ARHGEF7: variants seen among roughly 807,000 people sequenced by gnomAD.
ARHGEF7 encodes Rho guanine nucleotide exchange factor 7, also known as PAK-interacting exchange factor beta.
ARHGEF7 carries 33 observed loss-of-function variants against 109.8 expected under a neutral mutation model. The ratio of observed to expected loss-of-function variants is 0.30; its 90% CI spans 0.23 to 0.40. ARHGEF7 has a LOEUF of 0.40. Among genes scored for constraint, ARHGEF7 ranks in the 10% least tolerant of loss-of-function variants. The pLI, the probability that ARHGEF7 is intolerant of heterozygous loss-of-function variation, is 1.00. For missense variants in ARHGEF7, 938 were observed against 1,098.5 expected, an observed-to-expected ratio of 0.85 and a Z score of 2.07; for synonymous variants, 458 against 424.6, an observed-to-expected ratio of 1.08 and a Z score of -0.97.
At chr13:111,271,896 T>C (rs986903461) in intron 9 of ARHGEF7, among the ~76,000 whole-genome samples, 6 of 152,244 alleles carry the variant, frequency 3.9e-5, no homozygotes, top group African/African-American at 1.4e-4. Flanking sequence ...TATGTGTTTA[T>C]TGGAAGTATT....
chr13:111,197,909 A>G (rs2080734217), intron 2 of ARHGEF7, among the ~76,000 whole-genome samples: 1 of 152,198 alleles, frequency 6.6e-6, no homozygotes, highest in South Asian at 2.1e-4. Context: ...TCTGACAGGC[A>G]TTAGGACCCA....
chr13:111,300,153 A>G (rs555856052), intron 19 of ARHGEF7, among the ~76,000 whole-genome samples: 1 of 152,292 alleles, frequency 6.6e-6, no homozygotes, highest in African/African-American at 2.4e-5. Flanking sequence ...GTGTTGGTTA[A>G]ATGACAGAAA....
At chr13:111,118,312 C>T (rs779488169) in intron 1 of ARHGEF7, among the ~76,000 whole-genome samples, 2 of 152,250 alleles carry the variant, frequency 1.3e-5, no homozygotes, top group Non-Finnish European at 2.9e-5. Flanking sequence ...GATTCTTCTG[C>T]TCATTTAAAG....
intron 5 of ARHGEF7, among the ~76,000 whole-genome samples, chr13:111,231,404 A>C (rs2153523464): frequency 6.6e-6 from 1 of 151,272 alleles, no homozygotes; most frequent in South Asian, 2.1e-4. Context: ...GAATTCTTGC[A>C]ACTTGCAGCG....
At chr13:111,257,251 T>C (rs913252656) in intron 8 of ARHGEF7, among the ~76,000 whole-genome samples, 2 of 152,242 alleles carry the variant, frequency 1.3e-5, no homozygotes, top group East Asian at 3.9e-4. Flanking sequence ...TACCAATTCT[T>C]AGTACAGCCT....
intron 2 of ARHGEF7, among the ~76,000 whole-genome samples, chr13:111,165,192 A>C (rs1165598696): frequency 1.3e-5 from 2 of 152,180 alleles, no homozygotes; most frequent in Non-Finnish European, 2.9e-5. Flanking sequence ...GGTTCCTTCA[A>C]AGCCTGAATT....
intron 2 of ARHGEF7, among the ~76,000 whole-genome samples, chr13:111,169,921 A>G (rs1216537656): frequency 6.6e-6 from 1 of 152,166 alleles, no homozygotes; most frequent in African/African-American, 2.4e-5. Flanking sequence ...CATGCGCAAC[A>G]ACTGCAGAAT....
At chr13:111,173,792 G>C (rs1000868309) in intron 2 of ARHGEF7, among the ~76,000 whole-genome samples, 2 of 150,446 alleles carry the variant, frequency 1.3e-5, no homozygotes, top group African/African-American at 4.9e-5. Flanking sequence ...GTCTTGGAGG[G>C]TTGGGAGGTC....
intron 6 of ARHGEF7, among the ~76,000 whole-genome samples, chr13:111,242,117 C>T (rs1298881848): frequency 1.3e-5 from 2 of 152,160 alleles, no homozygotes; most frequent in East Asian, 3.9e-4. Flanking sequence ...AGCCAGCTCC[C>T]TGCAGGGCCC....
chr13:111,166,388 G>C (rs575740208), intron 2 of ARHGEF7, among the ~76,000 whole-genome samples: 23 of 152,286 alleles, frequency 1.5e-4, no homozygotes, highest in African/African-American at 5.3e-4. Flanking sequence ...GGGCAGAGGG[G>C]AGAAGGGATG....
intron 2 of ARHGEF7, among the ~76,000 whole-genome samples, chr13:111,176,024 G>T (rs1482009050): frequency 6.6e-6 from 1 of 152,174 alleles, no homozygotes; most frequent in African/African-American, 2.4e-5. Context: ...ACTGCCCCAT[G>T]ATTCAATTAC....
chr13:111,173,591 A>C (rs1186024399), intron 2 of ARHGEF7, among the ~76,000 whole-genome samples: 1 of 152,174 alleles, frequency 6.6e-6, no homozygotes, highest in Non-Finnish European at 1.5e-5. Flanking sequence ...AAGCCTGTGA[A>C]ATTTCATCCA....
chr13:111,265,464 C>T, intron 8 of ARHGEF7: 2 of 410,642 alleles, frequency 4.9e-6, no homozygotes, highest in Non-Finnish European at 9.9e-6. Flanking sequence ...GCTGATTCTC[C>T]TGACTATGAC....
intron 2 of ARHGEF7, among the ~76,000 whole-genome samples, chr13:111,204,858 A>C (rs1378715051): frequency 6.6e-6 from 1 of 152,188 alleles, no homozygotes; most frequent in Non-Finnish European, 1.5e-5. Context: ...TAGCTTTGGA[A>C]TCGACTGTCA....
intron 9 of ARHGEF7, among the ~76,000 whole-genome samples, chr13:111,269,148 G>T (rs2091925559): frequency 6.6e-6 from 1 of 152,206 alleles, no homozygotes. Flanking sequence ...TATGTGCTAT[G>T]CCCCTACCCC....
rs530331590 is a variant in ARHGEF7 at position 111,153,430 on chromosome 13, G to A, written c.166-475G>A. On this transcript the variant is annotated intron_variant, in intron 1 of 21. Coordinates refer to ENST00000646102, the MANE Select transcript of ARHGEF7 (RefSeq NM_001354046.2). ...GGGCCTTGTCGGCTGCGTCCGCGGG[G>A]CTAGGGTAGAGACCGAAGACTGGAC... Among the ~76,000 whole-genome samples, 121 of 152,166 alleles carry A rather than the reference G, an allele frequency of 8.0e-4. 1 individual carries two copies. Among genetic ancestry groups the A allele is most frequent in the African/African-American group, 2.8e-3 (116 of 41,516 alleles).
rs1044007280 is a variant in ARHGEF7, at chr13:111,228,652, G to A, written c.671-4553G>A. Among the ~76,000 whole-genome samples, 4 of 152,062 alleles carry A rather than the reference G, an allele frequency of 2.6e-5. No homozygotes were observed. Among genetic ancestry groups the A allele is most frequent in the Non-Finnish European group, 2.9e-5 (2 of 68,018 alleles). On this transcript the variant is annotated intron_variant, in intron 5 of 21. Transcript: ENST00000646102. The surrounding 1 kb of genome is among the most constrained non-coding windows in gnomAD (Gnocchi z 4.6). ...TAGCAGATCATCCCTTGAACAACTC[G>A]GAGGACGTCACCTGACAGGAGGGTG...
rs2077822513 is a variant in ARHGEF7 at position 111,173,741 on chromosome 13, G to T, written c.252+19750G>T. Among the ~76,000 whole-genome samples, 5 of 152,040 alleles carry T rather than the reference G, an allele frequency of 3.3e-5. No homozygotes were observed. In the South Asian group the frequency reaches 1.0e-3, roughly 32 times the overall value. ...GCCTCTCCCCACATTGAATGGAGAT[G>T]TCTCGTGTTTGAGGATGTCATTTGC... is the stretch of plus-strand genomic sequence containing the variant. On this transcript the variant is annotated intron_variant, in intron 2 of 21. Transcript: ENST00000646102.
At chr13:111,302,177 C>G (rs2093583471) in intron 21 of ARHGEF7, among the ~76,000 whole-genome samples, 1 of 152,170 alleles carries the variant, frequency 6.6e-6, no homozygotes, top group African/African-American at 2.4e-5. Context: ...GTTAGCGAGC[C>G]AGAAGTGGCG....
Sources: gnomAD v4.1 joint callset for allele counts (sites outside exome capture counted in the v4.1 genomes callset) on GRCh38, gnomAD v4.1.1 for gene constraint, Gnocchi (gnomAD v3.1) non-coding constraint, MANE v1.5 for transcripts, NCBI Gene and HGNC (gene_info 2026-07-23, HGNC 2026-07-21) for gene names.